PRKN: variants seen among roughly 807,000 people sequenced by gnomAD.
PRKN encodes the protein parkin RBR E3 ubiquitin protein ligase, also known as E3 ubiquitin-protein ligase parkin.
Under a neutral mutation model 59.5 loss-of-function variants are expected in PRKN, and 56 were observed. That is an observed-to-expected ratio of 0.94 (90% CI 0.76 to 1.18). The LOEUF is 1.18. Among genes scored for constraint, PRKN ranks in the 50% most tolerant of loss-of-function variants. The pLI is 0.00. For missense variants in PRKN, 657 were observed against 596.4 expected (o/e 1.10, Z -1.06); for synonymous variants, 250 against 222.1 (o/e 1.13, Z -1.12).
intron 1 of PRKN, among the ~76,000 whole-genome samples, chr6:162,622,300 TTTG>T (rs772618552): frequency 0.022 from 2,871 of 132,908 alleles, 72 homozygotes; most frequent in African/African-American, 0.07. Flanking sequence ...TGTTTTTTTT[TTTG>T]TTTTGTTTTT....
chr6:162,027,124 C>T (rs1261257386), intron 5 of PRKN, among the ~76,000 whole-genome samples: 1 of 152,110 alleles, frequency 6.6e-6, no homozygotes, highest in Non-Finnish European at 1.5e-5. Flanking sequence ...TATGACCTCT[C>T]TACAAATTCT....
At chr6:162,216,151 T>C (rs1348308495) in intron 3 of PRKN, among the ~76,000 whole-genome samples, 6 of 152,138 alleles carry the variant, frequency 3.9e-5, no homozygotes, top group Non-Finnish European at 5.9e-5. Context: ...AACACTATCA[T>C]TGTCTGAAAG....
At chr6:162,590,439 A>G (rs1781255827) in intron 1 of PRKN, among the ~76,000 whole-genome samples, 1 of 152,220 alleles carries the variant, frequency 6.6e-6, no homozygotes, top group African/African-American at 2.4e-5. Context: ...CTGCAAAGTT[A>G]GCCATCTTTC....
At chr6:161,596,091 C>T (rs555210950) in intron 7 of PRKN, among the ~76,000 whole-genome samples, 6 of 152,230 alleles carry the variant, frequency 3.9e-5, no homozygotes, top group Middle Eastern at 3.4e-3. Flanking sequence ...AGACTGACAG[C>T]GTGGAGCTGC....
chr6:161,949,144 G>A (rs1779890620), intron 6 of PRKN, among the ~76,000 whole-genome samples: 1 of 152,194 alleles, frequency 6.6e-6, no homozygotes, highest in African/African-American at 2.4e-5. Context: ...ACAACGCTAT[G>A]AAGTCCTGTT....
intron 4 of PRKN, among the ~76,000 whole-genome samples, chr6:162,133,864 G>A (rs1781468353): frequency 6.6e-6 from 1 of 152,110 alleles, no homozygotes; most frequent in Non-Finnish European, 1.5e-5. Context: ...GTGGTAGGAG[G>A]AAATGACAGG....
intron 6 of PRKN, among the ~76,000 whole-genome samples, chr6:161,947,448 G>A (rs1286829956): frequency 6.6e-6 from 1 of 152,068 alleles, no homozygotes; most frequent in Non-Finnish European, 1.5e-5. Flanking sequence ...ATTCCAAATG[G>A]TTCACAATGA....
At chr6:161,935,036 G>A (rs919065690) in intron 6 of PRKN, among the ~76,000 whole-genome samples, 1 of 152,064 alleles carries the variant, frequency 6.6e-6, no homozygotes, top group Non-Finnish European at 1.5e-5. Flanking sequence ...CCTCCTCTAG[G>A]TTAAGTTTGC....
At chr6:162,220,683 C>T (rs1777886663) in intron 3 of PRKN, among the ~76,000 whole-genome samples, 1 of 152,148 alleles carries the variant, frequency 6.6e-6, no homozygotes, top group Non-Finnish European at 1.5e-5. Flanking sequence ...AAGTTCAAGG[C>T]AGAGGTCAGG....
At chr6:161,439,222 C>T (rs80324971) in intron 9 of PRKN, among the ~76,000 whole-genome samples, 2 of 152,172 alleles carry the variant, frequency 1.3e-5, no homozygotes, top group Admixed American at 6.5e-5. Context: ...AACAATGACT[C>T]ATTAGTCCCG....
chr6:162,322,139 T>A (rs1246798529), intron 2 of PRKN, among the ~76,000 whole-genome samples: 1 of 152,042 alleles, frequency 6.6e-6, no homozygotes, highest in Non-Finnish European at 1.5e-5. Context: ...ACTTAACAAT[T>A]ATCTCGGTTA....
rs869269519 is a variant in PRKN at position 162,021,119 on chromosome 6, CATATATATATATAT to C, written c.618+32958_618+32971del. Among the ~76,000 whole-genome samples, 294 of 46,562 alleles carry C rather than the reference CATATATATATATAT, an allele frequency of 6.3e-3. 33 individuals carry two copies. Among genetic ancestry groups the C allele is most frequent in the African/African-American group, 0.016 (271 of 16,922 alleles). The allele number at this position is 46,562 out of a possible 152,430, so 30.5% of individuals were successfully genotyped here. A position where few individuals can be genotyped will look rare whatever the true frequency, so the allele number is the denominator to read the frequency against. ...CTCTGTCTCAAAAAAAAAACAAAAA[CATATATATATATAT>C]ATATATATATATATATATATATATA... On this transcript the variant is annotated intron_variant, in intron 5 of 11. Coordinates refer to ENST00000366898, the MANE Select transcript of PRKN (RefSeq NM_004562.3).
intron 6 of PRKN, among the ~76,000 whole-genome samples, chr6:161,849,535 C>T (rs1793338907): frequency 6.6e-6 from 1 of 152,140 alleles, no homozygotes; most frequent in Non-Finnish European, 1.5e-5. Flanking sequence ...TAAGCCCTGC[C>T]CCCACCTTCC....
intron 9 of PRKN, among the ~76,000 whole-genome samples, chr6:161,524,058 A>AT (rs1185720600): frequency 1.3e-5 from 2 of 152,168 alleles, no homozygotes; most frequent in South Asian, 2.1e-4. Flanking sequence ...TTCATTAAAT[A>AT]TTTTTTAACA....
In PRKN at chr6:161,830,396, T is replaced by C. The variant is rs545458116; in HGVS notation, c.735-44488A>G. On this transcript the variant is annotated intron_variant, in intron 6 of 11. Coordinates refer to ENST00000366898, the MANE Select transcript of PRKN (RefSeq NM_004562.3). ...CCTCCCGAGGAGCTGGGACTACAGGTGCCCGCCACCATGCCGAGCTAATTT... is the reference window on the plus strand; with the variant it reads ...CCTCCCGAGGAGCTGGGACTACAGGCGCCCGCCACCATGCCGAGCTAATTT... Among the ~76,000 whole-genome samples the C allele has an allele frequency of 3.8e-3, 579 of 152,110 alleles. 7 individuals carry two copies. Among genetic ancestry groups the C allele is most frequent in the African/African-American group, 0.013 (531 of 41,518 alleles).
At chr6:161,433,812 T>C (rs955860404) in intron 9 of PRKN, among the ~76,000 whole-genome samples, 5 of 151,700 alleles carry the variant, frequency 3.3e-5, no homozygotes, top group Admixed American at 2.0e-4. Flanking sequence ...AGGTCAGGAG[T>C]TCAAGACCCG....
chr6:162,646,481 G>C lies in PRKN; in HGVS notation c.7+81181C>G, dbSNP rs955222521. Among the ~76,000 whole-genome samples the C allele has an allele frequency of 2.0e-5, 3 of 151,736 alleles. No homozygotes were observed. The East Asian group carries it at 5.9e-4, about 30-fold the overall frequency. ...ATTTTTTTGTAGAGATGCAGGTCTC[G>C]ATATGTTGCCCAGGCTGGTCTCAAA... is the stretch of plus-strand genomic sequence containing the variant. On this transcript the variant is annotated intron_variant, in intron 1 of 11. Transcript: ENST00000366898.
In PRKN at chr6:161,459,166, C is replaced by T. The variant is rs1790099361; in HGVS notation, c.1084-72289G>A. Among the ~76,000 whole-genome samples, 1 of 152,104 alleles carries T rather than the reference C, an allele frequency of 6.6e-6. No homozygotes were observed. The highest frequency in any genetic ancestry group is 2.4e-5 in the African/African-American group (1 of 41,428). ...GTACTTAGCACCTGCCCTCAGTGAT[C>T]ACCATTTTTCAGGTAAGACTTGTTC... On this transcript the variant is annotated intron_variant, in intron 9 of 11. Transcript: ENST00000366898. The surrounding 1 kb of genome is among the most constrained non-coding windows in gnomAD (Gnocchi z 4.8).
intron 1 of PRKN, among the ~76,000 whole-genome samples, chr6:162,458,268 A>AG (rs1381943715): frequency 6.4e-5 from 8 of 125,674 alleles, no homozygotes; most frequent in Non-Finnish European, 1.5e-4. Flanking sequence ...AAAAAAAAAA[A>AG]AAAAAAAATT....
Sources: gnomAD v4.1 joint callset for allele counts (sites outside exome capture counted in the v4.1 genomes callset) on GRCh38, gnomAD v4.1.1 for gene constraint, Gnocchi (gnomAD v3.1) non-coding constraint, MANE v1.5 for transcripts, NCBI Gene and HGNC (gene_info 2026-07-23, HGNC 2026-07-21) for gene names.